CFH: variants seen among roughly 807,000 people sequenced by gnomAD.
CFH encodes the protein complement factor H, also known as H factor 1 (complement).
CFH carries 53 observed loss-of-function variants against 147.3 expected under a neutral mutation model. The observed-to-expected ratio is 0.36, with a 90% confidence interval of 0.29 to 0.45. The LOEUF is 0.45. Ranked by LOEUF, CFH falls within the 20% of genes least tolerant of loss-of-function variation. CFH has a pLI of 1.00. For synonymous variants in CFH, 536 were observed against 489.4 expected (o/e 1.10, Z -1.26); for missense variants, 1,380 against 1,498.0 (o/e 0.92, Z 1.30).
At chr1:196,679,533 AAAC>A (rs1667578343) in intron 5 of CFH, 87 bp from the exon 6 acceptor site, 4 of 1,008,902 alleles carry the variant, frequency 4.0e-6, no homozygotes, top group Non-Finnish European at 6.1e-6. Context: ...TACCTGATGG[AAAC>A]AACATTTCTG....
In CFH at chr1:196,685,055, T is replaced by C; in HGVS notation, c.791-9T>C. The stretch of plus-strand genomic sequence containing the variant: ...TTCTGCATTATCCATATATCCTTTT[T>C]CTTTTCAGAAAAATCATGTGATAAT... On this transcript the variant is annotated splice_polypyrimidine_tract_variant and intron_variant, in intron 6 of 21. Coordinates refer to ENST00000367429, the MANE Select transcript of CFH (RefSeq NM_000186.4). The C allele has an allele frequency of 6.3e-7, 1 of 1,592,034 alleles. No individual in the cohort carries two copies. Among genetic ancestry groups the C allele is most frequent in the Non-Finnish European group, 8.6e-7 (1 of 1,160,336 alleles).
intron 7 of CFH, among the ~76,000 whole-genome samples, chr1:196,686,242 T>C (rs1667822395): frequency 6.6e-6 from 1 of 152,086 alleles, no homozygotes; most frequent in Non-Finnish European, 1.5e-5. Flanking sequence ...AATTATCTAC[T>C]CACACACTGT....
intron 20 of CFH, among the ~76,000 whole-genome samples, chr1:196,745,355 A>G (rs1652964227): frequency 1.3e-5 from 2 of 151,878 alleles, no homozygotes; most frequent in South Asian, 4.1e-4. Context: ...GTTTATTTTC[A>G]GAGTGGGTAA....
chr1:196,714,333 A>T (rs2149102457), intron 10 of CFH, among the ~76,000 whole-genome samples: 1 of 151,940 alleles, frequency 6.6e-6, no homozygotes, highest in Non-Finnish European at 1.5e-5. Context: ...AAATAATTTA[A>T]ACTCTATAAT....
At chr1:196,697,346 G>A (rs1668308074) in intron 9 of CFH, among the ~76,000 whole-genome samples, 1 of 152,138 alleles carries the variant, frequency 6.6e-6, no homozygotes, top group Non-Finnish European at 1.5e-5. Flanking sequence ...GTGGGTGAAG[G>A]ATATGAACAG....
At chr1:196,692,658 T>C (rs1668077274) in intron 9 of CFH, among the ~76,000 whole-genome samples, 1 of 137,630 alleles carries the variant, frequency 7.3e-6, no homozygotes, top group Non-Finnish European at 1.6e-5. Context: ...TCTACGTTTC[T>C]CCTTCTTTTT....
chr1:196,704,159 C>T (rs548353575), intron 9 of CFH, among the ~76,000 whole-genome samples: 10 of 151,940 alleles, frequency 6.6e-5, no homozygotes, highest in Non-Finnish European at 4.4e-5. Context: ...CTCACTGCAA[C>T]CTCTGGCTCA....
intron 11 of CFH, among the ~76,000 whole-genome samples, chr1:196,724,189 A>T (rs886764787): frequency 3.3e-5 from 5 of 151,926 alleles, no homozygotes; most frequent in African/African-American, 1.2e-4. Flanking sequence ...ACTATTGGGA[A>T]TGCTGTAACT....
intron 12 of CFH, among the ~76,000 whole-genome samples, 199 bp downstream of exon 12, chr1:196,725,496 G>A (rs1403842055): frequency 6.6e-6 from 1 of 152,196 alleles, no homozygotes; most frequent in African/African-American, 2.4e-5. Context: ...CTTGAACGAT[G>A]TGCTGGAAGT....
chr1:196,714,708 G>GAA (rs1668824915), intron 10 of CFH, among the ~76,000 whole-genome samples: 7 of 132,862 alleles, frequency 5.3e-5, no homozygotes, highest in Non-Finnish European at 9.7e-5. Flanking sequence ...GAGAGAGAGA[G>GAA]AGAGAGAGAG....
At chr1:196,706,517 T>C (rs751820389) in intron 9 of CFH, among the ~76,000 whole-genome samples, 1 of 152,142 alleles carries the variant, frequency 6.6e-6, no homozygotes, top group Non-Finnish European at 1.5e-5. Flanking sequence ...CTAAAATCCC[T>C]ACCTAATGGA....
At chr1:196,676,462 G>A (rs1253797784) in intron 4 of CFH, among the ~76,000 whole-genome samples, 3 of 152,010 alleles carry the variant, frequency 2.0e-5, no homozygotes, top group Admixed American at 6.6e-5. Context: ...AGTGGAGAAC[G>A]TGATTGAGAC....
chr1:196,740,722 T>C lies in CFH; in HGVS notation c.2886T>C (p.Gly962=). ...AAGTTACGTACAAATGTTTTGAAGGTTTTGGAATTGATGGGCCTGCAATTG... is the reference window on the plus strand; with the variant it reads ...AAGTTACGTACAAATGTTTTGAAGGCTTTGGAATTGATGGGCCTGCAATTG... The part of the protein sequence containing the change: ...GEEVTYKCFE[G]FGIDGPAIAK... The change falls in exon 18 of 22, where the codon GGT becomes GGC. Residue 962 remains glycine (G), a synonymous_variant. Coordinates refer to ENST00000367429, the MANE Select transcript of CFH (RefSeq NM_000186.4). The C allele has an allele frequency of 6.2e-7, 1 of 1,613,972 alleles. No individual in the cohort carries two copies. The highest frequency in any genetic ancestry group is 8.5e-7 in the Non-Finnish European group (1 of 1,179,952).
chr1:196,694,435 TG>T (rs1194001788), intron 9 of CFH, among the ~76,000 whole-genome samples: 1 of 152,244 alleles, frequency 6.6e-6, no homozygotes, highest in Non-Finnish European at 1.5e-5. Context: ...TCCAAATCTT[TG>T]CTACTGCAAA....
chr1:196,728,533 A>G lies in CFH; in HGVS notation c.2413+11A>G, dbSNP rs747422670. The G allele has an allele frequency of 5.6e-6, 9 of 1,611,666 alleles. No homozygotes were observed. Among genetic ancestry groups the G allele is most frequent in the African/African-American group, 4.0e-5 (3 of 74,816 alleles). On this transcript the variant is annotated intron_variant, in intron 15 of 21. Transcript: ENST00000367429. ...AAGTGAACTGCTCAAGTAAGCTCTTATTTTGTTTTCAGAAATGTATTCTAT... is the reference window on the plus strand; with the variant it reads ...AAGTGAACTGCTCAAGTAAGCTCTTGTTTTGTTTTCAGAAATGTATTCTAT...
chr1:196,683,036 A>C (rs1219519563), intron 6 of CFH, among the ~76,000 whole-genome samples: 2 of 151,602 alleles, frequency 1.3e-5, no homozygotes, highest in African/African-American at 4.8e-5. Flanking sequence ...AGTATAGAGA[A>C]GAAGTAGAAA....
At chr1:196,701,545 TAA>T in intron 9 of CFH, 4 of 615,934 alleles carry the variant, frequency 6.5e-6, no homozygotes, top group South Asian at 4.0e-5. Flanking sequence ...TTGAGATTAT[TAA>T]ACTCTTTCTC....
chr1:196,679,970 A>G (rs1472522667), intron 6 of CFH, among the ~76,000 whole-genome samples, 177 bp downstream of exon 6: 1 of 151,920 alleles, frequency 6.6e-6, no homozygotes, highest in Non-Finnish European at 1.5e-5. Flanking sequence ...ACTTCGTACG[A>G]TACACACACT....
intron 21 of CFH, 67 bp downstream of exon 21, chr1:196,746,066 A>G: frequency 1.2e-6 from 2 of 1,609,420 alleles, no homozygotes; most frequent in Non-Finnish European, 1.7e-6. Flanking sequence ...CACTGTTTGT[A>G]ACAAAATACT....
Sources: gnomAD v4.1 joint callset for allele counts (sites outside exome capture counted in the v4.1 genomes callset) on GRCh38, gnomAD v4.1.1 for gene constraint, MANE v1.5 for transcripts, NCBI Gene and HGNC (gene_info 2026-07-23, HGNC 2026-07-21) for gene names.